TPMT: variants seen among roughly 807,000 people sequenced by gnomAD.
TPMT encodes S-adenosyl-L-methionine:thiopurine S-methyltransferase.
TPMT carries 18 observed loss-of-function variants against 34.2 expected under a neutral mutation model. The ratio of observed to expected loss-of-function variants is 0.53; its 90% CI spans 0.36 to 0.78. The LOEUF is 0.78. TPMT is among the 30% of genes least tolerant of loss of function. The pLI, the probability that TPMT is intolerant of heterozygous loss-of-function variation, is 0.00. For missense variants in TPMT, 265 were observed against 288.1 expected (o/e 0.92, Z 0.58); for synonymous variants, 69 against 92.4 (o/e 0.75, Z 1.45).
rs1394048939 is a variant in TPMT, at chr6:18,136,893, A to AT, written c.494+2069dup. On this transcript the variant is annotated intron_variant, in intron 6 of 8. Coordinates refer to ENST00000309983, the MANE Select transcript of TPMT (RefSeq NM_000367.5). This position sits in a 1 kb window ranked among gnomAD's most constrained non-coding sequence, Gnocchi z 4.7. ...ATATTGGCAATTTTTGGGTGAGAGC[A>AT]TAAGGCTGAGGATGGTGGTCCCTTG... Among the ~76,000 whole-genome samples, 1 of 152,188 alleles carries AT rather than the reference A, an allele frequency of 6.6e-6. No homozygotes were observed. Among genetic ancestry groups the AT allele is most frequent in the Non-Finnish European group, 1.5e-5 (1 of 68,042 alleles).
At position 18,146,876 on chromosome 6, in the gene TPMT, T is replaced by G. The variant is rs965017702; in HGVS notation, c.233+947A>C. Among the ~76,000 whole-genome samples the G allele has an allele frequency of 6.6e-6, 1 of 152,220 alleles. No individual in the cohort carries two copies. Among genetic ancestry groups the G allele is most frequent in the Admixed American group, 6.6e-5 (1 of 15,264 alleles). On this transcript the variant is annotated intron_variant, in intron 3 of 8. Transcript: ENST00000309983. The surrounding 1 kb of genome is among the most constrained non-coding windows in gnomAD (Gnocchi z 6.2). Reference sequence around the variant, plus strand: ...TGAAAATCAACTCCCAAAAAATGCATGCATACTCTGCGTTAGTCACCGATA... The same window carrying G: ...TGAAAATCAACTCCCAAAAAATGCAGGCATACTCTGCGTTAGTCACCGATA...
At chr6:18,134,079 C>T (rs958988095) in intron 6 of TPMT, among the ~76,000 whole-genome samples, 190 bp from the exon 7 acceptor site, 20 of 152,204 alleles carry the variant, frequency 1.3e-4, no homozygotes, top group African/African-American at 4.6e-4. Context: ...TGGCCCCTGC[C>T]TAAGCTGGGA....
Position 18,135,172 on chromosome 6 carries a change from C to T in TPMT, c.495-1283G>A, listed in dbSNP as rs1784021036. On this transcript the variant is annotated intron_variant, in intron 6 of 8. Transcript: ENST00000309983. This position sits in a 1 kb window ranked among gnomAD's most constrained non-coding sequence, Gnocchi z 5.0. ...TGTGAGAATTCACCAGTGGATCACT[C>T]TTCCTTGTAGGTGAAAGAACCACAT... 6.6e-6 allele frequency among the ~76,000 whole-genome samples: 1 copy of T among 152,226 alleles called. No individual in the cohort carries two copies. The highest frequency in any genetic ancestry group is 1.5e-5 in the Non-Finnish European group (1 of 68,036).
At chr6:18,144,958 T>C (rs1490396851) in intron 3 of TPMT, among the ~76,000 whole-genome samples, 1 of 151,994 alleles carries the variant, frequency 6.6e-6, no homozygotes, top group East Asian at 1.9e-4. Flanking sequence ...TGACCTCAAA[T>C]GATCTGCCTG....
Position 18,145,282 on chromosome 6 carries a change from T to C in TPMT, c.234-1554A>G, listed in dbSNP as rs1356812319. Reference sequence around the variant, plus strand: ...AAACAGGAACCTAATAATAACAGTTTTATACATGTTAAATGGTTGAGAAAT... The same window carrying C: ...AAACAGGAACCTAATAATAACAGTTCTATACATGTTAAATGGTTGAGAAAT... On this transcript the variant is annotated intron_variant, in intron 3 of 8. Coordinates refer to ENST00000309983, the MANE Select transcript of TPMT (RefSeq NM_000367.5). This position sits in a 1 kb window ranked among gnomAD's most constrained non-coding sequence, Gnocchi z 5.6. Among the ~76,000 whole-genome samples, 1 of 152,172 alleles carries C rather than the reference T, an allele frequency of 6.6e-6. No homozygotes were observed. Among genetic ancestry groups the C allele is most frequent in the Admixed American group, 6.5e-5 (1 of 15,268 alleles).
chr6:18,136,750 C>T lies in TPMT; in HGVS notation c.494+2213G>A, dbSNP rs555957146. On this transcript the variant is annotated intron_variant, in intron 6 of 8. Transcript: ENST00000309983. The surrounding 1 kb of genome is among the most constrained non-coding windows in gnomAD (Gnocchi z 4.7). ...GCTTGAACCTGGCAGGCAGAGGTTG[C>T]GGTGAGCCGAGATAGTGCCATTGCA... 6.6e-6 allele frequency among the ~76,000 whole-genome samples: 1 copy of T among 152,262 alleles called. No homozygotes were observed. Among genetic ancestry groups the T allele is most frequent in the South Asian group, 2.1e-4 (1 of 4,820 alleles).
At chr6:18,152,445 T>C (rs1784369443) in intron 1 of TPMT, among the ~76,000 whole-genome samples, 1 of 152,186 alleles carries the variant, frequency 6.6e-6, no homozygotes, top group Non-Finnish European at 1.5e-5. Flanking sequence ...ACATTTGTAT[T>C]TTCAAATAAT....
At chr6:18,147,286 T>C (rs1784266199) in intron 3 of TPMT, among the ~76,000 whole-genome samples, 2 of 152,222 alleles carry the variant, frequency 1.3e-5, no homozygotes, top group Non-Finnish European at 2.9e-5. Context: ...CTTGTTAAAG[T>C]GAATTCTCTT....
chr6:18,148,952 A>T lies in TPMT; in HGVS notation c.140+36T>A. 1.2e-6 allele frequency: 2 copies of T among 1,612,120 alleles called. No homozygotes were observed. Among genetic ancestry groups the T allele is most frequent in the Non-Finnish European group, 1.7e-6 (2 of 1,179,754 alleles). On this transcript the variant is annotated intron_variant, in intron 2 of 8. Transcript: ENST00000309983. The surrounding 1 kb of genome is among the most constrained non-coding windows in gnomAD (Gnocchi z 4.1). Reference sequence around the variant, plus strand: ...TTCTATCTCAAAGTCACTTTTTGATAGAACATTTCTCTATTGTATACCAAA... The same window carrying T: ...TTCTATCTCAAAGTCACTTTTTGATTGAACATTTCTCTATTGTATACCAAA...
In TPMT at chr6:18,136,092, A is replaced by G. The variant is rs1373576044; in HGVS notation, c.495-2203T>C. Among the ~76,000 whole-genome samples, 1 of 152,136 alleles carries G rather than the reference A, an allele frequency of 6.6e-6. No individual in the cohort carries two copies. The highest frequency in any genetic ancestry group is 1.5e-5 in the Non-Finnish European group (1 of 68,014). On this transcript the variant is annotated intron_variant, in intron 6 of 8. Coordinates refer to ENST00000309983, the MANE Select transcript of TPMT (RefSeq NM_000367.5). The surrounding 1 kb of genome is among the most constrained non-coding windows in gnomAD (Gnocchi z 4.7). Reference sequence around the variant, plus strand: ...GTCCGCTCTTGGTCTGCACGTGGTGACTTTTAGTTTGCTTCCCACTGCTTG... The same window carrying G: ...GTCCGCTCTTGGTCTGCACGTGGTGGCTTTTAGTTTGCTTCCCACTGCTTG...
At position 18,149,792 on chromosome 6, in the gene TPMT, C is replaced by T. The variant is rs1346002689; in HGVS notation, c.-44-621G>A. 6.6e-6 allele frequency among the ~76,000 whole-genome samples: 1 copy of T among 152,078 alleles called. No homozygotes were observed. The highest frequency in any genetic ancestry group is 1.5e-5 in the Non-Finnish European group (1 of 68,002). Reference sequence around the variant, plus strand: ...TTCAACATCCAATAAGAAGTGATAACAAAAAATTACTTTCAGTGCGTCTGG... The same window carrying T: ...TTCAACATCCAATAAGAAGTGATAATAAAAAATTACTTTCAGTGCGTCTGG... On this transcript the variant is annotated intron_variant, in intron 1 of 8. Coordinates refer to ENST00000309983, the MANE Select transcript of TPMT (RefSeq NM_000367.5). The surrounding 1 kb of genome is among the most constrained non-coding windows in gnomAD (Gnocchi z 5.0).
chr6:18,144,658 C>T (rs971645394), intron 3 of TPMT, among the ~76,000 whole-genome samples: 4 of 151,234 alleles, frequency 2.6e-5, no homozygotes, highest in Non-Finnish European at 5.9e-5. Flanking sequence ...GGATTACAGG[C>T]GTGAGCCACC....
chr6:18,154,436 A>T lies in TPMT; in HGVS notation c.-45+597T>A, dbSNP rs1784434434. Among the ~76,000 whole-genome samples the T allele has an allele frequency of 6.6e-6, 1 of 152,162 alleles. No individual in the cohort carries two copies. The highest frequency in any genetic ancestry group is 1.5e-5 in the Non-Finnish European group (1 of 68,018). On this transcript the variant is annotated intron_variant, in intron 1 of 8. Coordinates refer to ENST00000309983, the MANE Select transcript of TPMT (RefSeq NM_000367.5). This position sits in a 1 kb window ranked among gnomAD's most constrained non-coding sequence, Gnocchi z 4.2. ...ATCTTAAAAGAGTATGACTCGGTGA[A>T]TTTTTTACATATACATACACCTGTG...
chr6:18,133,080 G>T (rs1283796368), intron 7 of TPMT, among the ~76,000 whole-genome samples: 2 of 152,156 alleles, frequency 1.3e-5, no homozygotes, highest in Non-Finnish European at 2.9e-5. Flanking sequence ...GCCACAGAGT[G>T]AGACTGTGTC....
rs1783969030 is a variant in TPMT at position 18,132,753 on chromosome 6, G to T, written c.581-576C>A. Among the ~76,000 whole-genome samples the T allele has an allele frequency of 6.6e-6, 1 of 151,900 alleles. No individual in the cohort carries two copies. The highest frequency in any genetic ancestry group is 1.5e-5 in the Non-Finnish European group (1 of 68,010). On this transcript the variant is annotated intron_variant, in intron 7 of 8. Transcript: ENST00000309983. The surrounding 1 kb of genome is among the most constrained non-coding windows in gnomAD (Gnocchi z 4.8). ...GTCTCTGATTTAATTAGGGACACTA[G>T]GTCTCATCTTTTAATGAGTTTTTAA...
rs1187246608 is a variant in TPMT at position 18,146,404 on chromosome 6, T to G, written c.233+1419A>C. On this transcript the variant is annotated intron_variant, in intron 3 of 8. Coordinates refer to ENST00000309983, the MANE Select transcript of TPMT (RefSeq NM_000367.5). This position sits in a 1 kb window ranked among gnomAD's most constrained non-coding sequence, Gnocchi z 6.2. ...TAGTAGAGATGGGTTTTCACCATGT[T>G]GGCCAGGCTGGTCTCGAACTCCTGA... Among the ~76,000 whole-genome samples the G allele has an allele frequency of 2.6e-5, 4 of 152,142 alleles. No individual in the cohort carries two copies. Among genetic ancestry groups the G allele is most frequent in the African/African-American group, 7.2e-5 (3 of 41,428 alleles).
At chr6:18,142,354 C>A (rs1020223567) in intron 4 of TPMT, among the ~76,000 whole-genome samples, 2 of 152,074 alleles carry the variant, frequency 1.3e-5, no homozygotes, top group Admixed American at 6.6e-5. Flanking sequence ...TCAATGACTG[C>A]CAGCTTCCCT....
In TPMT at chr6:18,136,149, G is replaced by A. The variant is rs1297109447; in HGVS notation, c.495-2260C>T. Among the ~76,000 whole-genome samples the A allele has an allele frequency of 6.6e-6, 1 of 152,086 alleles. No homozygotes were observed. The highest frequency in any genetic ancestry group is 1.5e-5 in the Non-Finnish European group (1 of 68,036). Reference sequence around the variant, plus strand: ...TTTACCATGCCAACCAGAGCCTGTAGAAGGACTAACCTCTAAGGAATGGAT... The same window carrying A: ...TTTACCATGCCAACCAGAGCCTGTAAAAGGACTAACCTCTAAGGAATGGAT... On this transcript the variant is annotated intron_variant, in intron 6 of 8. Coordinates refer to ENST00000309983, the MANE Select transcript of TPMT (RefSeq NM_000367.5). The surrounding 1 kb of genome is among the most constrained non-coding windows in gnomAD (Gnocchi z 4.7).
At position 18,131,462 on chromosome 6, in the gene TPMT, C is replaced by T. The variant is rs780906422; in HGVS notation, c.625+671G>A. 1.3e-4 allele frequency among the ~76,000 whole-genome samples: 20 copies of T among 151,998 alleles called. No homozygotes were observed. The highest frequency in any genetic ancestry group is 5.9e-5 in the Non-Finnish European group (4 of 68,022). ...AAGCATTGTGGTGCATGCCTCTGGT[C>T]CCAGAAACTTGGGAGGCTGAGGTGG... On this transcript the variant is annotated intron_variant, in intron 8 of 8. Coordinates refer to ENST00000309983, the MANE Select transcript of TPMT (RefSeq NM_000367.5). The surrounding 1 kb of genome is among the most constrained non-coding windows in gnomAD (Gnocchi z 4.3).
Sources: allele counts gnomAD v4.1 joint callset (sites outside exome capture counted in the v4.1 genomes callset), GRCh38; gene constraint gnomAD v4.1.1; non-coding constraint Gnocchi (gnomAD v3.1); transcripts MANE v1.5; gene names NCBI Gene and HGNC (gene_info 2026-07-23, HGNC 2026-07-21).